The following NUDT3 variants were observed in gnomAD, a reference collection of about 807,000 sequenced individuals.
NUDT3 encodes nudix hydrolase 3, also known as diphosphoinositol polyphosphate phosphohydrolase 1.
NUDT3 carries 9 observed loss-of-function variants against 23.6 expected under a neutral mutation model. That is an observed-to-expected ratio of 0.38 (90% CI 0.23 to 0.66). The LOEUF (loss-of-function observed/expected upper bound fraction) is 0.66. Ranked by LOEUF, NUDT3 falls within the 30% of genes least tolerant of loss-of-function variation. NUDT3 has a pLI of 0.52. For missense variants in NUDT3, 172 were observed against 218.5 expected (o/e 0.79, Z 1.34); for synonymous variants, 86 against 82.6 (o/e 1.04, Z -0.22).
intron 1 of NUDT3, among the ~76,000 whole-genome samples, chr6:34,345,220 T>C (rs569792980): frequency 6.6e-6 from 1 of 151,758 alleles, no homozygotes; most frequent in Non-Finnish European, 1.5e-5. Context: ...AGCTAATTTT[T>C]TGTATTTTTA....
chr6:34,323,021 T>A (rs1349777294), intron 2 of NUDT3, among the ~76,000 whole-genome samples: 1 of 152,214 alleles, frequency 6.6e-6, no homozygotes, highest in Non-Finnish European at 1.5e-5. Flanking sequence ...ATACTGCATG[T>A]TCTCACTTAT....
chr6:34,299,237 C>T (rs569868482), intron 2 of NUDT3, among the ~76,000 whole-genome samples: 126 of 152,182 alleles, frequency 8.3e-4, no homozygotes, highest in African/African-American at 2.6e-3. Flanking sequence ...AAATTTGGTC[C>T]CATCAGGATG....
At chr6:34,293,104 C>A (rs963457094) in intron 4 of NUDT3, among the ~76,000 whole-genome samples, 6 of 152,148 alleles carry the variant, frequency 3.9e-5, no homozygotes, top group African/African-American at 1.2e-4. Context: ...ACTCTGTTGC[C>A]TAGGCTGGAG....
chr6:34,294,138 A>ACCATGC (rs1451130015), intron 3 of NUDT3, among the ~76,000 whole-genome samples: 8 of 152,166 alleles, frequency 5.3e-5, no homozygotes, highest in African/African-American at 1.7e-4. Flanking sequence ...GGTGCACATC[A>ACCATGC]CCATGCCCTG....
At position 34,285,205 on chromosome 6, in the gene NUDT3, T is replaced by C. The variant is rs1047614132; in HGVS notation, c.*3548A>G. The C allele has an allele frequency of 6.6e-6, 1 of 152,218 alleles. No individual in the cohort carries two copies. Among genetic ancestry groups the C allele is most frequent in the Non-Finnish European group, 1.5e-5 (1 of 68,044 alleles). 9.4% of individuals were successfully genotyped at this position (152,218 alleles called of 1,614,324 possible). A position where few individuals can be genotyped will look rare whatever the true frequency, so the allele number is the denominator to read the frequency against. ...CACTAACTGTTCCATCCTGTTATAT[T>C]TGCTGTGAGGAAAATTAAGATTCCT... On this transcript the variant is annotated 3_prime_UTR_variant, in exon 5 of 5. Transcript: ENST00000607016.
intron 1 of NUDT3, among the ~76,000 whole-genome samples, chr6:34,387,762 G>A (rs371367388): frequency 1.3e-4 from 3 of 23,248 alleles, no homozygotes; most frequent in Non-Finnish European, 3.4e-4. Flanking sequence ...TGTGTTTTAA[G>A]CTAAGTATTA....
At chr6:34,333,335 C>A (rs1764158095) in intron 2 of NUDT3, among the ~76,000 whole-genome samples, 1 of 152,122 alleles carries the variant, frequency 6.6e-6, no homozygotes, top group South Asian at 2.1e-4. Flanking sequence ...TTAATGAGAC[C>A]TAGGACTGAC....
At chr6:34,341,243 C>A (rs1238972968) in intron 2 of NUDT3, among the ~76,000 whole-genome samples, 1 of 151,846 alleles carries the variant, frequency 6.6e-6, no homozygotes, top group African/African-American at 2.4e-5. Flanking sequence ...TCAGTTTCCC[C>A]CAGGCTGTAA....
chr6:34,325,955 C>T (rs1240123475), intron 2 of NUDT3, among the ~76,000 whole-genome samples: 2 of 152,158 alleles, frequency 1.3e-5, no homozygotes, highest in African/African-American at 2.4e-5. Context: ...TAAGTACTTA[C>T]GCTTATTTTC....
At chr6:34,370,799 A>G (rs566275809) in intron 1 of NUDT3, among the ~76,000 whole-genome samples, 2 of 152,210 alleles carry the variant, frequency 1.3e-5, no homozygotes, top group Non-Finnish European at 2.9e-5. Flanking sequence ...CAAATAAAAA[A>G]TGCATTAAAA....
intron 2 of NUDT3, among the ~76,000 whole-genome samples, chr6:34,327,824 T>C (rs1292254310): frequency 6.6e-6 from 1 of 152,158 alleles, no homozygotes; most frequent in African/African-American, 2.4e-5. Context: ...AACTGGTGTC[T>C]TCCCAGGCGC....
Position 34,307,611 on chromosome 6 carries a change from G to A in NUDT3, c.211-11926C>T, listed in dbSNP as rs112029573. ...AACAAGAAATGCAGTGGTCAACTAC[G>A]TATATTATCTCTTCTTCCAAGGAAC... On this transcript the variant is annotated intron_variant, in intron 2 of 4. Transcript: ENST00000607016. 8.5e-3 allele frequency among the ~76,000 whole-genome samples: 1,291 copies of A among 152,152 alleles called. 18 individuals are homozygous for A. The highest frequency in any genetic ancestry group is 0.027 in the African/African-American group (1,107 of 41,526).
chr6:34,293,219 C>T (rs1195936736), intron 4 of NUDT3, among the ~76,000 whole-genome samples: 1 of 152,192 alleles, frequency 6.6e-6, no homozygotes, highest in African/African-American at 2.4e-5. Context: ...TGTGCCACCA[C>T]GCCGAGCTAA....
In NUDT3 at chr6:34,295,420, G is replaced by A. The variant is rs1299459973; in HGVS notation, c.255+221C>T. Among the ~76,000 whole-genome samples the A allele has an allele frequency of 3.3e-5, 5 of 152,064 alleles. No homozygotes were observed. The East Asian group carries it at 9.7e-4, about 29-fold the overall frequency. ...CCATGTAGTCTCACCTACCTGGGAG[G>A]CTGATGCAGAAGACTGCTTGAGCCC... is the stretch of plus-strand genomic sequence containing the variant. On this transcript the variant is annotated intron_variant, in intron 3 of 4. Coordinates refer to ENST00000607016, the MANE Select transcript of NUDT3 (RefSeq NM_006703.4).
intron 2 of NUDT3, among the ~76,000 whole-genome samples, chr6:34,328,496 T>C (rs573917907): frequency 3.3e-5 from 5 of 152,274 alleles, no homozygotes; most frequent in African/African-American, 7.2e-5. Context: ...ACAAAGAAGA[T>C]TGCATATTAT....
In NUDT3 at chr6:34,291,897, C is replaced by T. The variant is rs116034784; in HGVS notation, c.340+1554G>A. Among the ~76,000 whole-genome samples, 346 of 152,254 alleles carry T rather than the reference C, an allele frequency of 2.3e-3. 2 individuals carry two copies. The highest frequency in any genetic ancestry group is 7.9e-3 in the African/African-American group (328 of 41,540). On this transcript the variant is annotated intron_variant, in intron 4 of 4. Coordinates refer to ENST00000607016, the MANE Select transcript of NUDT3 (RefSeq NM_006703.4). ...TTGATTTGTCATTCATTGAGTTATA[C>T]ATTTAAGATGCAAATTTTAACCAGT...
rs754654969 is a variant in NUDT3, at chr6:34,288,789, C to T, written c.483G>A (p.Ser161=). 4.3e-6 allele frequency: 7 copies of T among 1,613,210 alleles called. No individual in the cohort carries two copies. The highest frequency in any genetic ancestry group is 5.1e-6 in the Non-Finnish European group (6 of 1,179,734). The part of the protein sequence containing the change: ...NGTPVVATTY[S]VSAQSSMSGI... ...CTGACATCGAGCTCTGAGCAGAAACCGAGTATGTGGTGGCCACGACTGGGG... is the reference window on the plus strand; with the variant it reads ...CTGACATCGAGCTCTGAGCAGAAACTGAGTATGTGGTGGCCACGACTGGGG... The change falls in exon 5 of 5, where the codon TCG becomes TCA. Residue 161 remains serine, a synonymous_variant. Coordinates refer to ENST00000607016, the MANE Select transcript of NUDT3 (RefSeq NM_006703.4).
intron 2 of NUDT3, among the ~76,000 whole-genome samples, chr6:34,308,090 C>A: frequency 8.5e-6 from 1 of 117,434 alleles, no homozygotes. Flanking sequence ...CACTGCACTC[C>A]AGCTGGGAGA....
chr6:34,342,004 TA>T (rs1561912336), intron 1 of NUDT3, 32 bp from the exon 2 acceptor site: 1 of 1,592,308 alleles, frequency 6.3e-7, no homozygotes, highest in Non-Finnish European at 8.6e-7. Flanking sequence ...ATGGGGGGGT[TA>T]AAAATTCAAA....
Sources: gnomAD v4.1 joint callset for allele counts (sites outside exome capture counted in the v4.1 genomes callset) on GRCh38, gnomAD v4.1.1 for gene constraint, MANE v1.5 for transcripts, NCBI Gene and HGNC (gene_info 2026-07-23, HGNC 2026-07-21) for gene names.